Variants in DPP10 observed in about 807,000 individuals in gnomAD.
The protein encoded by DPP10 is dipeptidyl peptidase like 10.
Under a neutral mutation model 120.9 loss-of-function variants are expected in DPP10, and 33 were observed. The observed-to-expected ratio is 0.27, with a 90% CI of 0.21 to 0.37. The LOEUF is 0.37. DPP10 is among the 10% of genes least tolerant of loss of function. The probability of loss-of-function intolerance (pLI) is 1.00; values close to 1 mark genes in which losing one functional copy is unlikely to be tolerated. For missense variants in DPP10, 816 were observed against 942.8 expected, an observed-to-expected ratio of 0.87 and a Z score of 1.76; for synonymous variants, 337 against 326.1, an observed-to-expected ratio of 1.03 and a Z score of -0.36.
In DPP10 at chr2:115,748,229, G is replaced by GT. The variant is rs11284953; in HGVS notation, c.950+2058dup. ...TTTATAATAATTTACATGTTTATGG[G>GT]TTTTTTTTTTTTAGTATGTTACTTA... On this transcript the variant is annotated intron_variant, in intron 10 of 25. Transcript: ENST00000410059. Among the ~76,000 whole-genome samples the GT allele has an allele frequency of 3.3e-3, 475 of 145,976 alleles. 2 individuals are homozygous for GT. The highest frequency in any genetic ancestry group is 0.022 in the Middle Eastern group (6 of 274).
At chr2:114,594,964 G>T (rs949142080) in intron 1 of DPP10, among the ~76,000 whole-genome samples, 8 of 151,748 alleles carry the variant, frequency 5.3e-5, no homozygotes, top group African/African-American at 1.9e-4. Flanking sequence ...GGATCTTCCT[G>T]CATGTTCTCT....
intron 3 of DPP10, among the ~76,000 whole-genome samples, chr2:115,451,893 TGTGTGTGTCTGTG>T (rs2073138674): frequency 2.8e-4 from 3 of 10,670 alleles, no homozygotes; most frequent in Non-Finnish European, 0.017. Flanking sequence ...TTTGTGTGTG[TGTGTGTGTCTGTG>T]TCTGTGTATC....
At chr2:115,042,391 C>A (rs1196671207) in intron 1 of DPP10, among the ~76,000 whole-genome samples, 4 of 152,092 alleles carry the variant, frequency 2.6e-5, no homozygotes, top group Non-Finnish European at 4.4e-5. Context: ...CACAGCCTCC[C>A]AAGTAGTTGG....
At chr2:115,128,340 C>G (rs1308734551) in intron 1 of DPP10, among the ~76,000 whole-genome samples, 1 of 152,144 alleles carries the variant, frequency 6.6e-6, no homozygotes, top group East Asian at 1.9e-4. Flanking sequence ...TCACATCATT[C>G]AAGTCCAGTT....
At chr2:114,617,283 T>C (rs1238955790) in intron 1 of DPP10, among the ~76,000 whole-genome samples, 1 of 152,112 alleles carries the variant, frequency 6.6e-6, no homozygotes, top group Non-Finnish European at 1.5e-5. Context: ...ATGGTTAGGC[T>C]TAATATACTT....
chr2:115,120,593 A>G (rs1414274566), intron 1 of DPP10, among the ~76,000 whole-genome samples: 1 of 152,234 alleles, frequency 6.6e-6, no homozygotes, highest in Non-Finnish European at 1.5e-5. Flanking sequence ...GATTTAAAGC[A>G]GGCAAGCAGT....
At chr2:114,668,551 G>A (rs2105611473) in intron 1 of DPP10, among the ~76,000 whole-genome samples, 1 of 152,216 alleles carries the variant, frequency 6.6e-6, no homozygotes, top group East Asian at 1.9e-4. Flanking sequence ...CCTTAGCCCA[G>A]TAAAGTTGGC....
chr2:114,603,283 C>T (rs1692523278), intron 1 of DPP10, among the ~76,000 whole-genome samples: 1 of 151,824 alleles, frequency 6.6e-6, no homozygotes, highest in African/African-American at 2.4e-5. Context: ...AAAATGGAGG[C>T]TGAAAACTTG....
At chr2:115,169,199 C>A (rs138172551) in intron 1 of DPP10, among the ~76,000 whole-genome samples, 258 of 152,268 alleles carry the variant, frequency 1.7e-3, no homozygotes, top group African/African-American at 6.0e-3. Context: ...ATCATTCTTT[C>A]ATCTTGAAAA....
intron 1 of DPP10, chr2:115,234,534 A>G (rs2057900937): frequency 6.5e-6 from 1 of 152,924 alleles, no homozygotes; most frequent in Non-Finnish European, 1.5e-5. Context: ...TCTCAATAGC[A>G]GTTTTCTGTA....
intron 5 of DPP10, among the ~76,000 whole-genome samples, chr2:115,600,285 GT>G (rs1173222200): frequency 5.3e-5 from 8 of 151,852 alleles, no homozygotes; most frequent in Non-Finnish European, 1.2e-4. Context: ...TGTAAGGATT[GT>G]TTTTTTAAGA....
chr2:114,874,465 G>T (rs1453826045), intron 1 of DPP10, among the ~76,000 whole-genome samples: 1 of 152,000 alleles, frequency 6.6e-6, no homozygotes, highest in East Asian at 1.9e-4. Flanking sequence ...TGAGATTACG[G>T]AGTAGACTGG....
chr2:114,957,675 C>G (rs542796438), intron 1 of DPP10, among the ~76,000 whole-genome samples: 36 of 152,100 alleles, frequency 2.4e-4, no homozygotes, highest in South Asian at 4.1e-4. Context: ...TCACAATAGT[C>G]AAGATGTGGA....
At chr2:115,174,664 G>C (rs570630227) in intron 1 of DPP10, among the ~76,000 whole-genome samples, 2 of 152,152 alleles carry the variant, frequency 1.3e-5, no homozygotes, top group African/African-American at 4.8e-5. Flanking sequence ...ACATTGAAAA[G>C]ATGAATGTAT....
chr2:115,011,238 T>C (rs1409941482), intron 1 of DPP10, among the ~76,000 whole-genome samples: 1 of 152,180 alleles, frequency 6.6e-6, no homozygotes, highest in East Asian at 1.9e-4. Context: ...CCCTTAAAAA[T>C]AGTGTGTAAT....
chr2:114,834,065 C>T (rs957832480), intron 1 of DPP10: 12 of 151,720 alleles, frequency 7.9e-5, no homozygotes, highest in African/African-American at 2.9e-4. Flanking sequence ...CATATCTACA[C>T]ACCTATGTAT....
At chr2:114,726,560 C>T (rs1702063723) in intron 1 of DPP10, among the ~76,000 whole-genome samples, 1 of 152,198 alleles carries the variant, frequency 6.6e-6, no homozygotes, top group South Asian at 2.1e-4. Flanking sequence ...CATTTTTGCA[C>T]TGAAATATTT....
At chr2:114,505,847 G>A (rs940342504) in intron 1 of DPP10, among the ~76,000 whole-genome samples, 5 of 152,096 alleles carry the variant, frequency 3.3e-5, no homozygotes, top group Admixed American at 6.6e-5. Context: ...TTTCAAAACC[G>A]TACAGTTTAT....
intron 1 of DPP10, among the ~76,000 whole-genome samples, chr2:114,763,946 G>A (rs1237132890): frequency 6.6e-6 from 1 of 152,154 alleles, no homozygotes; most frequent in African/African-American, 2.4e-5. Flanking sequence ...TTTGACTCCA[G>A]AGTACTCTTT....
Sources: gnomAD v4.1 joint callset for allele counts (sites outside exome capture counted in the v4.1 genomes callset) on GRCh38, gnomAD v4.1.1 for gene constraint, MANE v1.5 for transcripts, NCBI Gene and HGNC (gene_info 2026-07-23, HGNC 2026-07-21) for gene names.